The following NELL1 variants were observed in gnomAD, a reference collection of about 807,000 sequenced individuals.
NELL1 encodes protein kinase C-binding protein NELL1.
A neutral mutation model predicts 107.4 loss-of-function variants in NELL1; 76 were observed. The observed-to-expected ratio is 0.71, with a 90% CI of 0.59 to 0.86. NELL1 has a LOEUF of 0.86. NELL1 is among the 40% of genes least tolerant of loss of function. NELL1 has a pLI of 0.00. For missense variants in NELL1, 1,024 were observed against 1,005.5 expected (o/e 1.02, Z -0.25); for synonymous variants, 353 against 341.2 (o/e 1.03, Z -0.38).
intron 15 of NELL1, among the ~76,000 whole-genome samples, chr11:21,465,540 A>G (rs1056632450): frequency 9.2e-5 from 14 of 152,086 alleles, no homozygotes; most frequent in African/African-American, 3.4e-4. Context: ...GAAGCAACAC[A>G]TGGCATATCA....
intron 2 of NELL1, among the ~76,000 whole-genome samples, chr11:20,720,270 C>T (rs987819858): frequency 1.4e-5 from 2 of 147,524 alleles, no homozygotes; most frequent in East Asian, 4.0e-4. Context: ...TGCAGTGGTG[C>T]GATCTCAGCT....
In NELL1 at chr11:21,256,223, T is replaced by G. The variant is rs139532777; in HGVS notation, c.1549+26769T>G. Among the ~76,000 whole-genome samples the G allele has an allele frequency of 1.5e-3, 232 of 152,178 alleles. 1 individual carries two copies. The East Asian group carries it at 0.018, about 12-fold the overall frequency. On this transcript the variant is annotated intron_variant, in intron 14 of 19. Transcript: ENST00000357134. ...CTTTGTACCTATATGATATGTAATT[T>G]TTACCTCTACTGAGCAATCTTTATA...
intron 12 of NELL1, among the ~76,000 whole-genome samples, chr11:21,089,602 G>C (rs753938797): frequency 3.9e-5 from 6 of 152,168 alleles, no homozygotes; most frequent in Admixed American, 6.5e-5. Context: ...TCGTAAACTT[G>C]TGGCAAGGTA....
intron 4 of NELL1, among the ~76,000 whole-genome samples, chr11:20,865,353 T>C (rs1056908215): frequency 6.6e-6 from 1 of 152,178 alleles, no homozygotes; most frequent in Non-Finnish European, 1.5e-5. Context: ...AAATGTCACC[T>C]CCTTCAAAAG....
intron 12 of NELL1, among the ~76,000 whole-genome samples, chr11:21,077,356 A>G (rs1042964479): frequency 1.2e-4 from 18 of 152,202 alleles, no homozygotes; most frequent in Non-Finnish European, 2.2e-4. Flanking sequence ...AGAATGCTAT[A>G]AAAAGCCAAT....
intron 14 of NELL1, among the ~76,000 whole-genome samples, chr11:21,296,093 T>A (rs1472508166): frequency 6.6e-6 from 1 of 152,038 alleles, no homozygotes; most frequent in Admixed American, 6.6e-5. Flanking sequence ...TGTATATGTC[T>A]AAACACAAGG....
chr11:21,241,780 T>C (rs1222543766), intron 14 of NELL1, among the ~76,000 whole-genome samples: 1 of 152,048 alleles, frequency 6.6e-6, no homozygotes, highest in Non-Finnish European at 1.5e-5. Flanking sequence ...TTCAGCCCTA[T>C]GCATGCCACT....
At chr11:21,254,682 C>A (rs1005868535) in intron 14 of NELL1, among the ~76,000 whole-genome samples, 3 of 152,020 alleles carry the variant, frequency 2.0e-5, no homozygotes, top group African/African-American at 7.2e-5. Flanking sequence ...GTTCAGGTGG[C>A]AGATACACTG....
chr11:20,716,286 T>C (rs1855248259), intron 2 of NELL1, among the ~76,000 whole-genome samples: 1 of 152,242 alleles, frequency 6.6e-6, no homozygotes, highest in East Asian at 1.9e-4. Flanking sequence ...TTCCTGGCCT[T>C]AGCTCTCAGT....
intron 15 of NELL1, among the ~76,000 whole-genome samples, chr11:21,484,925 G>A (rs183023984): frequency 6.6e-6 from 1 of 152,216 alleles, no homozygotes; most frequent in Admixed American, 6.5e-5. Flanking sequence ...GAGAACACTG[G>A]AATATAACCA....
intron 7 of NELL1, 113 bp from the exon 8 acceptor site, chr11:20,927,195 G>T: frequency 1.1e-6 from 1 of 935,242 alleles, no homozygotes. Context: ...TCAGTGAACT[G>T]CTCTGAGCAT....
intron 12 of NELL1, among the ~76,000 whole-genome samples, chr11:21,043,254 G>T (rs562998792): frequency 6.6e-6 from 1 of 151,990 alleles, no homozygotes; most frequent in Admixed American, 6.6e-5. Context: ...TCATTGCAGG[G>T]GATATAACAG....
intron 13 of NELL1, among the ~76,000 whole-genome samples, chr11:21,180,654 C>T (rs1204749746): frequency 6.6e-6 from 1 of 151,616 alleles, no homozygotes; most frequent in African/African-American, 2.4e-5. Context: ...ACATTGGCCT[C>T]GTACTTTCTC....
At chr11:21,330,245 A>G (rs1850240798) in intron 14 of NELL1, among the ~76,000 whole-genome samples, 3 of 152,110 alleles carry the variant, frequency 2.0e-5, no homozygotes, top group Admixed American at 1.3e-4. Flanking sequence ...TCCATTTAAA[A>G]CATGTTAAGA....
intron 15 of NELL1, among the ~76,000 whole-genome samples, chr11:21,378,265 G>GTATA (rs5790180): frequency 1.1e-3 from 154 of 143,790 alleles, no homozygotes; most frequent in Non-Finnish European, 1.8e-3. Flanking sequence ...GCATATATAT[G>GTATA]TATATATATA....
At chr11:21,379,190 A>G (rs1444115506) in intron 15 of NELL1, among the ~76,000 whole-genome samples, 4 of 152,114 alleles carry the variant, frequency 2.6e-5, no homozygotes, top group African/African-American at 9.6e-5. Flanking sequence ...GTATAAATAC[A>G]ATTGTGTAGA....
intron 14 of NELL1, among the ~76,000 whole-genome samples, chr11:21,258,782 CTTACACT>C (rs1858834252): frequency 6.6e-6 from 1 of 151,976 alleles, no homozygotes; most frequent in Non-Finnish European, 1.5e-5. Flanking sequence ...AACCATCATA[CTTACACT>C]TTATGAATCC....
At chr11:21,127,086 G>T (rs1258108367) in intron 13 of NELL1, among the ~76,000 whole-genome samples, 1 of 152,082 alleles carries the variant, frequency 6.6e-6, no homozygotes, top group Non-Finnish European at 1.5e-5. Context: ...TTCCTTAAGG[G>T]TGGTCATAGG....
chr11:21,460,176 A>C (rs1301560909), intron 15 of NELL1, among the ~76,000 whole-genome samples: 1 of 151,968 alleles, frequency 6.6e-6, no homozygotes, highest in Non-Finnish European at 1.5e-5. Flanking sequence ...GAAATGGACA[A>C]AAGAACATGA....
Sources: gnomAD v4.1 joint callset for allele counts (sites outside exome capture counted in the v4.1 genomes callset) on GRCh38, gnomAD v4.1.1 for gene constraint, MANE v1.5 for transcripts, NCBI Gene and HGNC (gene_info 2026-07-23, HGNC 2026-07-21) for gene names.